MEGF10: variants seen among roughly 807,000 people sequenced by gnomAD.
MEGF10 encodes the protein multiple epidermal growth factor-like domains protein 10.
A neutral mutation model predicts 147.5 loss-of-function variants in MEGF10; 86 were observed. That is an observed-to-expected ratio of 0.58 (90% confidence interval 0.49 to 0.70). MEGF10 has a LOEUF of 0.70. Ranked by LOEUF, MEGF10 falls within the 30% of genes least tolerant of loss-of-function variation. MEGF10 has a pLI of 0.00. For synonymous variants in MEGF10, 478 were observed against 525.5 expected (o/e 0.91, Z 1.24); for missense variants, 1,329 against 1,487.3 (o/e 0.89, Z 1.75).
intron 1 of MEGF10, among the ~76,000 whole-genome samples, chr5:127,324,529 G>A (rs1760921933): frequency 6.6e-6 from 1 of 151,950 alleles, no homozygotes; most frequent in Non-Finnish European, 1.5e-5. Flanking sequence ...TCTCTCATTG[G>A]TTTCTCACAT....
At chr5:127,397,048 G>A (rs1198055083) in intron 6 of MEGF10, among the ~76,000 whole-genome samples, 1 of 152,176 alleles carries the variant, frequency 6.6e-6, no homozygotes, top group Admixed American at 6.5e-5. Context: ...GGGTCAGTCA[G>A]GATGTTGTGT....
chr5:127,450,050 T>TA (rs1279923848), intron 22 of MEGF10, among the ~76,000 whole-genome samples: 6 of 152,210 alleles, frequency 3.9e-5, no homozygotes, highest in South Asian at 2.1e-4. Flanking sequence ...TACATTTTTA[T>TA]AAAAAAATCT....
At chr5:127,363,731 T>C (rs1043966937) in intron 4 of MEGF10, among the ~76,000 whole-genome samples, 11 of 152,166 alleles carry the variant, frequency 7.2e-5, no homozygotes. Context: ...ACGAAAGCCC[T>C]ATAAGGAATG....
At chr5:127,308,671 C>T (rs1352309047) in intron 1 of MEGF10, among the ~76,000 whole-genome samples, 1 of 148,846 alleles carries the variant, frequency 6.7e-6, no homozygotes, top group African/African-American at 2.5e-5. Context: ...AATGAGAACA[C>T]ATGGACACAG....
chr5:127,285,362 T>C, the MEGF10 span, among the ~76,000 whole-genome samples: 531 of 152,264 alleles, frequency 3.5e-3, 2 homozygotes, highest in African/African-American at 0.012. Context: ...TACTATGAAA[T>C]TCTCAACTAA....
chr5:127,278,553 G>T, the MEGF10 span, among the ~76,000 whole-genome samples: 1 of 152,128 alleles, frequency 6.6e-6, no homozygotes, highest in Non-Finnish European at 1.5e-5. Context: ...TGAGAGGAGA[G>T]AATTAATAAT....
At chr5:127,367,329 A>C (rs985413434) in intron 4 of MEGF10, among the ~76,000 whole-genome samples, 2 of 152,208 alleles carry the variant, frequency 1.3e-5, no homozygotes, top group Non-Finnish European at 2.9e-5. Flanking sequence ...TGCTAGATGA[A>C]TACAAAACTC....
intron 7 of MEGF10, 152 bp from the exon 8 acceptor site, chr5:127,402,394 A>G (rs944675520): frequency 1.4e-6 from 1 of 695,614 alleles, no homozygotes; most frequent in Non-Finnish European, 2.3e-6. Flanking sequence ...AAGATGATGA[A>G]CAGTTTATGT....
At chr5:127,422,627 T>A in intron 12 of MEGF10, 43 bp from the exon 13 acceptor site, 1 of 1,510,604 alleles carries the variant, frequency 6.6e-7, no homozygotes, top group Non-Finnish European at 9.2e-7. Context: ...TTGTGGGATT[T>A]CCCAGGCCCT....
intron 4 of MEGF10, among the ~76,000 whole-genome samples, chr5:127,366,697 C>T (rs1032456498): frequency 9.9e-5 from 15 of 152,074 alleles, no homozygotes; most frequent in African/African-American, 1.9e-4. Flanking sequence ...ATTACCATCA[C>T]GGATTTTTTT....
chr5:127,305,249 A>G (rs1201364377), intron 1 of MEGF10, among the ~76,000 whole-genome samples: 2 of 152,220 alleles, frequency 1.3e-5, no homozygotes, highest in Non-Finnish European at 2.9e-5. Context: ...AGTGAGAACC[A>G]TCGTCGGAGA....
intron 9 of MEGF10, among the ~76,000 whole-genome samples, chr5:127,415,877 A>G (rs919885287): frequency 1.4e-5 from 2 of 143,896 alleles, no homozygotes; most frequent in African/African-American, 5.2e-5. Context: ...AGCCTGGGCG[A>G]CAGAGAAAGA....
chr5:127,236,364 G>A, the MEGF10 span, among the ~76,000 whole-genome samples: 42 of 152,310 alleles, frequency 2.8e-4, no homozygotes, highest in Admixed American at 1.9e-3. Context: ...TGATGTTGAA[G>A]CATGAAGGCA....
intron 22 of MEGF10, among the ~76,000 whole-genome samples, chr5:127,452,675 C>T (rs1766199049): frequency 6.6e-6 from 1 of 152,136 alleles, no homozygotes; most frequent in African/African-American, 2.4e-5. Context: ...ATGGCCCAAA[C>T]CCCCCACCAT....
chr5:127,350,359 G>A (rs1389017502), intron 4 of MEGF10, among the ~76,000 whole-genome samples: 5 of 152,132 alleles, frequency 3.3e-5, no homozygotes, highest in Non-Finnish European at 7.4e-5. Context: ...AACTCAAGTT[G>A]TCTTGAATAT....
chr5:127,460,127 G>A lies in MEGF10; in HGVS notation c.*2809G>A, dbSNP rs1487338929. On this transcript the variant is annotated 3_prime_UTR_variant, in exon 25 of 25. Transcript: ENST00000503335. Reference sequence around the variant, plus strand: ...AATTTCCTTTCTGTATCCCATGGTGGTCAAAGCAGTAAAGGAGTTTAGAGA... The same window carrying A: ...AATTTCCTTTCTGTATCCCATGGTGATCAAAGCAGTAAAGGAGTTTAGAGA... The A allele has an allele frequency of 6.6e-6, 1 of 152,058 alleles. No homozygotes were observed. Among genetic ancestry groups the A allele is most frequent in the Non-Finnish European group, 1.5e-5 (1 of 68,006 alleles). The allele number at this position is 152,058 out of a possible 1,614,324, so 9.4% of individuals were successfully genotyped here. A position where few individuals can be genotyped will look rare whatever the true frequency, so the allele number is the denominator to read the frequency against.
chr5:127,361,912 A>G (rs72788513), intron 4 of MEGF10, among the ~76,000 whole-genome samples: 9,375 of 152,226 alleles, frequency 0.062, 317 homozygotes, highest in Non-Finnish European at 0.082. Flanking sequence ...TGAATCTTTT[A>G]AAATTGATTG....
At chr5:127,353,047 G>A (rs931370217) in intron 4 of MEGF10, among the ~76,000 whole-genome samples, 6 of 152,146 alleles carry the variant, frequency 3.9e-5, no homozygotes, top group African/African-American at 1.2e-4. Flanking sequence ...CAGTTTGCAG[G>A]GATGATCTGG....
intron 1 of MEGF10, among the ~76,000 whole-genome samples, chr5:127,330,603 C>A (rs1301581113): frequency 6.6e-6 from 1 of 152,038 alleles, no homozygotes; most frequent in Non-Finnish European, 1.5e-5. Context: ...ACATTTTTTT[C>A]TATGTATAAT....
Sources: allele counts gnomAD v4.1 joint callset (sites outside exome capture counted in the v4.1 genomes callset), GRCh38; gene constraint gnomAD v4.1.1; transcripts MANE v1.5; gene names NCBI Gene and HGNC (gene_info 2026-07-23, HGNC 2026-07-21).